Variants in ZNF721 observed in about 807,000 individuals in gnomAD.
ZNF721 encodes the protein zinc finger protein 721.
In ZNF721, 2 loss-of-function variants were observed where a neutral mutation model predicts 2.4. The observed-to-expected ratio is 0.82, with a 90% CI of 0.34 to 2.58. ZNF721 has a LOEUF of 2.58. Among genes scored for constraint, ZNF721 ranks in the 30% most tolerant of loss-of-function variants. The pLI is 0.11. For synonymous variants in ZNF721, 398 were observed against 381.8 expected (o/e 1.04, Z -0.50); for missense variants, 1,187 against 1,085.5 (o/e 1.09, Z -1.31).
chr4:468,951 G>A (rs1715343005), intron 2 of ZNF721, among the ~76,000 whole-genome samples: 1 of 152,124 alleles, frequency 6.6e-6, no homozygotes, highest in African/African-American at 2.4e-5. Flanking sequence ...AAGCTCTCCT[G>A]CCTGCAAAAG....
chr4:450,983 ATATATATATATATC>A (rs1560228804), intron 2 of ZNF721, among the ~76,000 whole-genome samples: 1 of 125,496 alleles, frequency 8.0e-6, no homozygotes, highest in Non-Finnish European at 1.7e-5. Context: ...ATATATATAT[ATATATATATATATC>A]CCAAAAATAT....
At position 457,263 on chromosome 4, in the gene ZNF721, C is replaced by T. The variant is rs113045937; in HGVS notation, c.35-12831G>A. 6.0e-3 allele frequency among the ~76,000 whole-genome samples: 907 copies of T among 152,232 alleles called. 9 individuals carry two copies. The highest frequency in any genetic ancestry group is 0.021 in the African/African-American group (853 of 41,544). ...AAACACAGTAAGATGGCAGGAGGTTCTCTACCCACAACTTCTACAGTTATA... is the reference window on the plus strand; with the variant it reads ...AAACACAGTAAGATGGCAGGAGGTTTTCTACCCACAACTTCTACAGTTATA... On this transcript the variant is annotated intron_variant, in intron 2 of 2. Transcript: ENST00000511833.
At chr4:479,297 G>A (rs767524752) in intron 1 of ZNF721, among the ~76,000 whole-genome samples, 6 of 152,088 alleles carry the variant, frequency 3.9e-5, no homozygotes, top group African/African-American at 1.4e-4. Context: ...TTCCTTGCCC[G>A]GGAAGCAGCC....
At position 443,742 on chromosome 4, in the gene ZNF721, AT is replaced by A. The variant is rs782091479; in HGVS notation, c.724del (p.Ile242PhefsTer39). ...HSSHLNKHEK[I>X]HTGEKPYKCK... Reference sequence around the variant, plus strand: ...TTTGTAGGGTTTCTCTCCAGTATGAATTTTCTCATGTTTATTCAGGTGTGAG... The same window carrying A: ...TTTGTAGGGTTTCTCTCCAGTATGAATTTCTCATGTTTATTCAGGTGTGAG... On this transcript the variant is annotated frameshift_variant, in exon 3 of 3. Coordinates refer to ENST00000511833, the MANE Select transcript of ZNF721 (RefSeq NM_133474.4). LOFTEE classifies it low-confidence loss of function (END_TRUNC). 1.9e-6 allele frequency: 3 copies of A among 1,613,976 alleles called. No individual in the cohort carries two copies. The highest frequency in any genetic ancestry group is 2.5e-6 in the Non-Finnish European group (3 of 1,179,972).
intron 1 of ZNF721, among the ~76,000 whole-genome samples, chr4:473,165 G>A (rs1365337089): frequency 6.6e-6 from 1 of 152,110 alleles, no homozygotes; most frequent in Non-Finnish European, 1.5e-5. Flanking sequence ...GCTAAGCACT[G>A]TCTCTCAAGC....
At chr4:457,627 T>C (rs1391649933) in intron 2 of ZNF721, among the ~76,000 whole-genome samples, 1 of 152,190 alleles carries the variant, frequency 6.6e-6, no homozygotes, top group Non-Finnish European at 1.5e-5. Flanking sequence ...ATATCAGTCA[T>C]GGTGTGGAAG....
At chr4:462,543 AC>A (rs1361854978) in intron 2 of ZNF721, among the ~76,000 whole-genome samples, 1 of 152,224 alleles carries the variant, frequency 6.6e-6, no homozygotes, top group Non-Finnish European at 1.5e-5. Flanking sequence ...TGGTACTGAT[AC>A]CAAAACAGAG....
chr4:467,431 A>G (rs1354066050), intron 2 of ZNF721, among the ~76,000 whole-genome samples: 15 of 152,250 alleles, frequency 9.9e-5, no homozygotes, highest in Admixed American at 6.5e-4. Context: ...AGATATTTTA[A>G]GTAGTAAATT....
intron 1 of ZNF721, among the ~76,000 whole-genome samples, chr4:478,946 A>C (rs953119287): frequency 6.6e-6 from 1 of 151,780 alleles, no homozygotes; most frequent in African/African-American, 2.4e-5. Context: ...ATTTTTTTGT[A>C]TTTTTAGTAG....
At chr4:495,174 G>A (rs1553872038) in intron 1 of ZNF721, among the ~76,000 whole-genome samples, 4 of 151,774 alleles carry the variant, frequency 2.6e-5, no homozygotes, top group African/African-American at 9.7e-5. Flanking sequence ...AAGCCACCGC[G>A]CCCAGCCTAA....
chr4:463,400 T>C (rs1715130802), intron 2 of ZNF721, among the ~76,000 whole-genome samples: 1 of 152,314 alleles, frequency 6.6e-6, no homozygotes, highest in South Asian at 2.1e-4. Context: ...ATAATCCCAT[T>C]ACTGGATATA....
At chr4:484,242 TCTTTA>T (rs1236103635) in intron 1 of ZNF721, among the ~76,000 whole-genome samples, 11 of 152,336 alleles carry the variant, frequency 7.2e-5, no homozygotes, top group Middle Eastern at 3.4e-3. Context: ...CCTATGCCTG[TCTTTA>T]CTTTAATCTC....
In ZNF721 at chr4:443,940, C is replaced by T; in HGVS notation, c.527G>A (p.Arg176Lys). The T allele has an allele frequency of 1.2e-6, 2 of 1,612,378 alleles. No homozygotes were observed. The highest frequency in any genetic ancestry group is 1.7e-6 in the Non-Finnish European group (2 of 1,179,574). ...KCEECGKAFNRSTNLTAHKRI... is the reference protein window; with the variant it reads ...KCEECGKAFNKSTNLTAHKRI... ...CTTATGTGCAGTAAGGTTTGTTGACCTATTAAAGGCTTTGCCACATTCTTC... is the reference window on the plus strand; with the variant it reads ...CTTATGTGCAGTAAGGTTTGTTGACTTATTAAAGGCTTTGCCACATTCTTC... Residue 176 changes from arginine (R) to lysine (K), a missense_variant, in exon 3 of 3, where the codon AGG (arginine) becomes AAG (lysine). Arg to Lys is a conservative substitution (Grantham distance 26, BLOSUM62 2). Transcript: ENST00000511833.
intron 2 of ZNF721, among the ~76,000 whole-genome samples, chr4:460,323 C>G (rs1299429401): frequency 6.6e-6 from 1 of 152,146 alleles, no homozygotes; most frequent in Non-Finnish European, 1.5e-5. Flanking sequence ...GAACAACTTG[C>G]TCCTGAATGA....
intron 2 of ZNF721, among the ~76,000 whole-genome samples, chr4:456,298 G>A (rs1380675006): frequency 6.6e-6 from 1 of 152,052 alleles, no homozygotes; most frequent in African/African-American, 2.4e-5. Context: ...TTGAACTCCT[G>A]ACCTCAGGTG....
chr4:475,668 A>C (rs1553868501), intron 1 of ZNF721, among the ~76,000 whole-genome samples: 4 of 152,158 alleles, frequency 2.6e-5, no homozygotes, highest in Non-Finnish European at 5.9e-5. Context: ...CCTGTTAGCT[A>C]TGCATGAATT....
In ZNF721 at chr4:494,183, CT is replaced by C. The variant is rs1307037522; in HGVS notation, c.-94+4872del. Among the ~76,000 whole-genome samples the C allele has an allele frequency of 5.7e-3, 809 of 141,546 alleles. 2 individuals are homozygous for C. The highest frequency in any genetic ancestry group is 9.2e-3 in the Admixed American group (129 of 14,056). The allele number at this position is 141,546 out of a possible 152,430, so 92.9% of individuals were successfully genotyped here. A position where few individuals can be genotyped will look rare whatever the true frequency, so the allele number is the denominator to read the frequency against. On this transcript the variant is annotated intron_variant, in intron 1 of 2. Coordinates refer to ENST00000511833, the MANE Select transcript of ZNF721 (RefSeq NM_133474.4). ...ATTAGGCATGCCAATGGAAGTACAT[CT>C]TTTTTTTTTTTTTTTGAGACGGAAT...
intron 2 of ZNF721, among the ~76,000 whole-genome samples, chr4:462,038 C>G (rs1715087788): frequency 6.6e-6 from 1 of 152,166 alleles, no homozygotes; most frequent in African/African-American, 2.4e-5. Context: ...TCTCCTTAAG[C>G]TGATATGCAA....
chr4:465,521 C>T (rs1553866647), intron 2 of ZNF721, among the ~76,000 whole-genome samples: 3 of 151,528 alleles, frequency 2.0e-5, no homozygotes, highest in African/African-American at 7.3e-5. Context: ...AAGCTCCGCG[C>T]CCTGGGTTCA....
Sources: gnomAD v4.1 joint callset for allele counts (sites outside exome capture counted in the v4.1 genomes callset) on GRCh38, gnomAD v4.1.1 for gene constraint, MANE v1.5 for transcripts, NCBI Gene and HGNC (gene_info 2026-07-23, HGNC 2026-07-21) for gene names.